CNTN5: variants seen among roughly 807,000 people sequenced by gnomAD.
CNTN5 encodes contactin 5, also known as contactin-5.
Under a neutral mutation model 129.1 loss-of-function variants are expected in CNTN5, and 77 were observed. That is an observed-to-expected ratio of 0.60 (90% CI 0.50 to 0.72). The LOEUF is 0.72. Among genes scored for constraint, CNTN5 ranks in the 30% least tolerant of loss-of-function variants. CNTN5 has a pLI of 0.00. For missense variants in CNTN5, 1,478 were observed against 1,328.8 expected (o/e 1.11, Z -1.75); for synonymous variants, 509 against 465.6 (o/e 1.09, Z -1.20).
chr11:99,687,985 T>G (rs1953867830), intron 3 of CNTN5, among the ~76,000 whole-genome samples: 1 of 152,182 alleles, frequency 6.6e-6, no homozygotes, highest in Admixed American at 6.5e-5. Flanking sequence ...ATCCTCTGAT[T>G]AGTTATTTTC....
At chr11:99,789,689 C>T (rs554802573) in intron 3 of CNTN5, among the ~76,000 whole-genome samples, 1 of 151,864 alleles carries the variant, frequency 6.6e-6, no homozygotes, top group African/African-American at 2.4e-5. Context: ...TTAAGTTTTT[C>T]TCTCTTAAAT....
At chr11:100,252,673 T>C (rs1949989631) in intron 16 of CNTN5, among the ~76,000 whole-genome samples, 1 of 152,150 alleles carries the variant, frequency 6.6e-6, no homozygotes, top group African/African-American at 2.4e-5. Flanking sequence ...GAAAAGACTG[T>C]TCTTTCCCTA....
chr11:100,055,861 TCTCA>T (rs1943199337), intron 9 of CNTN5, among the ~76,000 whole-genome samples: 1 of 151,546 alleles, frequency 6.6e-6, no homozygotes, highest in Non-Finnish European at 1.5e-5. Flanking sequence ...TCTCTCTTGC[TCTCA>T]CTCTCTCTTA....
chr11:99,773,595 A>G (rs1945017806), intron 3 of CNTN5, among the ~76,000 whole-genome samples: 1 of 152,102 alleles, frequency 6.6e-6, no homozygotes, highest in Non-Finnish European at 1.5e-5. Flanking sequence ...ACATAGGAAA[A>G]AAAATGGTCA....
intron 3 of CNTN5, among the ~76,000 whole-genome samples, chr11:99,727,045 G>A (rs948646393): frequency 2.0e-5 from 3 of 151,188 alleles, no homozygotes; most frequent in African/African-American, 7.3e-5. Flanking sequence ...GGTGGCTCAC[G>A]CCTGTAATCC....
At chr11:99,399,686 G>C (rs1464039827) in intron 2 of CNTN5, among the ~76,000 whole-genome samples, 1 of 151,634 alleles carries the variant, frequency 6.6e-6, no homozygotes, top group African/African-American at 2.4e-5. Context: ...CCAATAACCA[G>C]AAAATACACC....
chr11:99,469,845 A>G (rs570168681), intron 2 of CNTN5, among the ~76,000 whole-genome samples: 1 of 152,278 alleles, frequency 6.6e-6, no homozygotes, highest in South Asian at 2.1e-4. Context: ...ACTGGAAGTG[A>G]TAAGGTTAAA....
At position 100,166,265 on chromosome 11, in the gene CNTN5, G is replaced by A. The variant is rs1234258364; in HGVS notation, c.1581-24861G>A. Reference sequence around the variant, plus strand: ...TGCTCAAGATTTTGAACCAATTAGAGATTTGGGCTTCATCTGACCAGACAT... The same window carrying A: ...TGCTCAAGATTTTGAACCAATTAGAAATTTGGGCTTCATCTGACCAGACAT... On this transcript the variant is annotated intron_variant, in intron 13 of 24. Transcript: ENST00000524871. Among the ~76,000 whole-genome samples the A allele has an allele frequency of 2.0e-5, 3 of 151,698 alleles. No individual in the cohort carries two copies. The East Asian group carries it at 5.8e-4, about 30-fold the overall frequency.
At chr11:99,389,552 G>A (rs926908863) in intron 2 of CNTN5, among the ~76,000 whole-genome samples, 2 of 152,222 alleles carry the variant, frequency 1.3e-5, no homozygotes, top group East Asian at 3.9e-4. Context: ...TCCCTTTATA[G>A]ATAAGAATCA....
chr11:100,167,175 A>T (rs1279117228), intron 13 of CNTN5, among the ~76,000 whole-genome samples: 1 of 151,738 alleles, frequency 6.6e-6, no homozygotes, highest in South Asian at 2.1e-4. Context: ...ACTGAGTTTA[A>T]TATTCATCAA....
At chr11:99,362,219 G>C (rs910917669) in intron 2 of CNTN5, among the ~76,000 whole-genome samples, 1 of 151,920 alleles carries the variant, frequency 6.6e-6, no homozygotes, top group African/African-American at 2.4e-5. Context: ...TTGATTTGCT[G>C]TCCCTTAGTG....
At chr11:99,856,393 C>A (rs74510761) in intron 6 of CNTN5, among the ~76,000 whole-genome samples, 1 of 152,140 alleles carries the variant, frequency 6.6e-6, no homozygotes, top group Non-Finnish European at 1.5e-5. Flanking sequence ...TCTTTCACAA[C>A]TTTCTTAGAA....
intron 3 of CNTN5, among the ~76,000 whole-genome samples, chr11:99,767,645 TC>T (rs1251179233): frequency 1.3e-5 from 2 of 149,768 alleles, no homozygotes; most frequent in Admixed American, 6.7e-5. Flanking sequence ...AAAAAACCCA[TC>T]AGATCAAGGA....
At chr11:99,574,779 C>T (rs1949290853) in intron 3 of CNTN5, among the ~76,000 whole-genome samples, 3 of 151,278 alleles carry the variant, frequency 2.0e-5, no homozygotes, top group Admixed American at 2.0e-4. Context: ...TTCCTGTAAA[C>T]GTGTTTTAAG....
At chr11:99,922,417 A>T (rs1440985860) in intron 7 of CNTN5, among the ~76,000 whole-genome samples, 1 of 152,204 alleles carries the variant, frequency 6.6e-6, no homozygotes, top group East Asian at 1.9e-4. Flanking sequence ...ATCCAGGGTG[A>T]AGTTTCTGAT....
intron 3 of CNTN5, among the ~76,000 whole-genome samples, chr11:99,578,014 T>C (rs1239395616): frequency 2.2e-5 from 3 of 136,580 alleles, no homozygotes; most frequent in Non-Finnish European, 4.6e-5. Context: ...GTGTGTGATG[T>C]TCCCCTTCCA....
intron 2 of CNTN5, among the ~76,000 whole-genome samples, chr11:99,532,419 T>C (rs1947746379): frequency 6.6e-6 from 1 of 152,174 alleles, no homozygotes; most frequent in Admixed American, 6.5e-5. Flanking sequence ...TTTGGGTTAC[T>C]GCCGAAATGA....
chr11:99,248,421 A>C (rs1861928486), intron 1 of CNTN5, among the ~76,000 whole-genome samples: 1 of 151,794 alleles, frequency 6.6e-6, no homozygotes. Context: ...TGGCCTGTTC[A>C]CTCTGATGGT....
intron 1 of CNTN5, among the ~76,000 whole-genome samples, chr11:99,189,505 C>T (rs1466886738): frequency 6.6e-6 from 1 of 151,604 alleles, no homozygotes; most frequent in Non-Finnish European, 1.5e-5. Flanking sequence ...CCTACCAACA[C>T]TATGCAAAGG....
Sources: allele counts gnomAD v4.1 joint callset (sites outside exome capture counted in the v4.1 genomes callset), GRCh38; gene constraint gnomAD v4.1.1; transcripts MANE v1.5; gene names NCBI Gene and HGNC (gene_info 2026-07-23, HGNC 2026-07-21).